Variants in LDLRAP1 observed in about 807,000 individuals in gnomAD.
LDLRAP1 encodes the protein low density lipoprotein receptor adapter protein 1.
LDLRAP1 carries 30 observed loss-of-function variants against 37.8 expected under a neutral mutation model. The ratio of observed to expected loss-of-function variants is 0.79; its 90% CI spans 0.59 to 1.08. LDLRAP1 has a LOEUF of 1.08. Ranked by LOEUF, LDLRAP1 falls within the 50% of genes least tolerant of loss-of-function variation. The probability of loss-of-function intolerance (pLI) is 0.00; values close to 1 mark genes in which losing one functional copy is unlikely to be tolerated. For synonymous variants in LDLRAP1, 156 were observed against 169.8 expected, an observed-to-expected ratio of 0.92 and a Z score of 0.63; for missense variants, 375 against 401.6, an observed-to-expected ratio of 0.93 and a Z score of 0.57.
the LDLRAP1 span, among the ~76,000 whole-genome samples, chr1:25,589,304 A>AAGAAAGAAAGAAAGAAAG: frequency 5.4e-5 from 8 of 149,046 alleles, no homozygotes; most frequent in African/African-American, 1.5e-4. Context: ...ACTCCATCTC[A>AAGAAAGAAAGAAAGAAAG]AAAGAAAGAA....
Position 25,554,750 on chromosome 1 carries a change from T to G in LDLRAP1, c.232-110T>G. 2.4e-6 allele frequency: 2 copies of G among 821,786 alleles called. No homozygotes were observed. The highest frequency in any genetic ancestry group is 4.1e-6 in the Non-Finnish European group (2 of 489,272). 50.9% of individuals were successfully genotyped at this position (821,786 alleles called of 1,614,324 possible). A position where few individuals can be genotyped will look rare whatever the true frequency, so the allele number is the denominator to read the frequency against. On this transcript the variant is annotated intron_variant, in intron 2 of 8. Transcript: ENST00000374338. The surrounding 1 kb of genome is among the most constrained non-coding windows in gnomAD (Gnocchi z 5.4). ...CTTGCCCACACTGCTGCCAGTCACC[T>G]GAGCTGAGATGGGCCCCGTGCCTGG...
intron 7 of LDLRAP1, chr1:25,564,150 A>T (rs891853327): frequency 2.8e-6 from 1 of 357,912 alleles, no homozygotes; most frequent in Non-Finnish European, 5.4e-6. Flanking sequence ...GAGGACCCAG[A>T]GACTTGGGCA....
Position 25,543,608 on chromosome 1 carries a change from A to C in LDLRAP1, c.-91A>C, listed in dbSNP as rs1398072405. 6 of 906,866 alleles carry C rather than the reference A, an allele frequency of 6.6e-6. No individual in the cohort carries two copies. The highest frequency in any genetic ancestry group is 4.6e-5 in the Admixed American group (1 of 21,810). The allele number at this position is 906,866 out of a possible 1,614,324, so 56.2% of individuals were successfully genotyped here. A position where few individuals can be genotyped will look rare whatever the true frequency, so the allele number is the denominator to read the frequency against. On this transcript the variant is annotated 5_prime_UTR_variant, in exon 1 of 9. Transcript: ENST00000374338. ...GCGGAGCTGGCGCTGGGAGGGGAGG[A>C]GCGCGCAGCCCGCGCGCCGCAGGGC...
chr1:25,574,806 G>C, the LDLRAP1 span, among the ~76,000 whole-genome samples: 1 of 152,198 alleles, frequency 6.6e-6, no homozygotes, highest in African/African-American at 2.4e-5. Flanking sequence ...CATGAGTCAA[G>C]GGTGAGAGGC....
chr1:25,559,093 C>G (rs974441509), intron 4 of LDLRAP1, among the ~76,000 whole-genome samples: 1 of 152,196 alleles, frequency 6.6e-6, no homozygotes. Context: ...TGGCCACTTG[C>G]CTCGTGAGGT....
chr1:25,549,107 T>G (rs2044008343), intron 1 of LDLRAP1, among the ~76,000 whole-genome samples: 1 of 152,284 alleles, frequency 6.6e-6, no homozygotes, highest in Non-Finnish European at 1.5e-5. Flanking sequence ...TATTTTCTTT[T>G]GATAACAATC....
chr1:25,553,152 G>A (rs957342041), intron 1 of LDLRAP1, among the ~76,000 whole-genome samples: 2 of 152,124 alleles, frequency 1.3e-5, no homozygotes, highest in African/African-American at 4.8e-5. Flanking sequence ...TGCAGGCTGG[G>A]GCCATGGGAA....
At chr1:25,586,494 G>A in the LDLRAP1 span, among the ~76,000 whole-genome samples, 1 of 151,318 alleles carries the variant, frequency 6.6e-6, no homozygotes, top group Admixed American at 6.8e-5. The surrounding 1 kb of genome is among the most constrained non-coding windows in gnomAD (Gnocchi z 4.3). Flanking sequence ...GTGTGCGTGT[G>A]TGTGTGTGCA....
the LDLRAP1 span, among the ~76,000 whole-genome samples, chr1:25,574,662 T>C: frequency 5.6e-4 from 86 of 152,286 alleles, no homozygotes; most frequent in African/African-American, 1.9e-3. Context: ...TCTTGGTCCC[T>C]GCCAGCCGAG....
chr1:25,547,758 C>G (rs1157454001), intron 1 of LDLRAP1, among the ~76,000 whole-genome samples: 1 of 152,122 alleles, frequency 6.6e-6, no homozygotes, highest in African/African-American at 2.4e-5. Flanking sequence ...AAATGGTGTG[C>G]AGGGAGGATA....
At position 25,555,737 on chromosome 1, in the gene LDLRAP1, G is replaced by A. The variant is rs1389936867; in HGVS notation, c.344+765G>A. Among the ~76,000 whole-genome samples the A allele has an allele frequency of 6.6e-6, 1 of 152,132 alleles. No individual in the cohort carries two copies. Among genetic ancestry groups the A allele is most frequent in the East Asian group, 1.9e-4 (1 of 5,176 alleles). On this transcript the variant is annotated intron_variant, in intron 3 of 8. Transcript: ENST00000374338. This position sits in a 1 kb window ranked among gnomAD's most constrained non-coding sequence, Gnocchi z 4.7. The stretch of plus-strand genomic sequence containing the variant: ...AGGGTCAGTAGATGTGTGTTGTGGG[G>A]GTCTGGCTGATGTCTTCCTCTCACC...
chr1:25,566,674 G>A (rs1449806926), intron 8 of LDLRAP1, among the ~76,000 whole-genome samples, 174 bp from the exon 9 acceptor site: 1 of 152,162 alleles, frequency 6.6e-6, no homozygotes, highest in East Asian at 1.9e-4. Flanking sequence ...TTTCTGAGCT[G>A]TTTGACTCTC....
chr1:25,584,294 G>A, the LDLRAP1 span, among the ~76,000 whole-genome samples: 1 of 152,046 alleles, frequency 6.6e-6, no homozygotes, highest in Admixed American at 6.6e-5. Context: ...CTGTTGCTGG[G>A]GCCCCTTGTG....
At chr1:25,557,121 A>G (rs2044219701) in intron 3 of LDLRAP1, 32 bp from the exon 4 acceptor site, 2 of 1,542,330 alleles carry the variant, frequency 1.3e-6, no homozygotes, top group African/African-American at 2.7e-5. Context: ...CCCCTGTGCC[A>G]GGTCTGGTGA....
At chr1:25,551,337 C>A (rs1026035339) in intron 1 of LDLRAP1, among the ~76,000 whole-genome samples, 3 of 152,152 alleles carry the variant, frequency 2.0e-5, no homozygotes, top group Non-Finnish European at 4.4e-5. Context: ...AAAACCTGAT[C>A]TTTTGCTAGA....
chr1:25,556,691 T>C lies in LDLRAP1; in HGVS notation c.345-462T>C, dbSNP rs540943778. On this transcript the variant is annotated intron_variant, in intron 3 of 8. Transcript: ENST00000374338. Reference sequence around the variant, plus strand: ...GCCTTAAGAGGCAGCATGGCAGTCATGGCCTCTGGAGTCCTACAAGTGAGT... The same window carrying C: ...GCCTTAAGAGGCAGCATGGCAGTCACGGCCTCTGGAGTCCTACAAGTGAGT... Among the ~76,000 whole-genome samples, 153 of 152,340 alleles carry C rather than the reference T, an allele frequency of 1.0e-3. 2 individuals carry two copies. The highest frequency in any genetic ancestry group is 4.4e-5 in the Non-Finnish European group (3 of 68,036).
At position 25,565,314 on chromosome 1, in the gene LDLRAP1, G is replaced by A. The variant is rs948424225; in HGVS notation, c.782+107G>A. 7 of 1,257,264 alleles carry A rather than the reference G, an allele frequency of 5.6e-6. No homozygotes were observed. The African/African-American group carries it at 1.0e-4, about 19-fold the overall frequency. 77.9% of individuals were successfully genotyped at this position (1,257,264 alleles called of 1,614,324 possible). Reference sequence around the variant, plus strand: ...CCTGATTAAGAACACAAGCCACTCAGACCCCCTCCAGAGCAACAGTCCCAT... The same window carrying A: ...CCTGATTAAGAACACAAGCCACTCAAACCCCCTCCAGAGCAACAGTCCCAT... On this transcript the variant is annotated intron_variant, in intron 8 of 8. Transcript: ENST00000374338.
At chr1:25,588,096 A>C in the LDLRAP1 span, among the ~76,000 whole-genome samples, 1 of 152,186 alleles carries the variant, frequency 6.6e-6, no homozygotes, top group Non-Finnish European at 1.5e-5. Flanking sequence ...GCTCCTTAAG[A>C]GTCATCACCA....
chr1:25,562,654 T>C lies in LDLRAP1; in HGVS notation c.470T>C (p.Val157Ala). 2 of 1,614,194 alleles carry C rather than the reference T, an allele frequency of 1.2e-6. No individual in the cohort carries two copies. The highest frequency in any genetic ancestry group is 1.7e-6 in the Non-Finnish European group (2 of 1,180,012). ...ACTTCCTGTTTTCAGGCACAGGCTG[T>C]TACCCTCACCGTAGCCCAGGCCTTC... Reference protein sequence around the residue: ...LCTKRKMAQAVTLTVAQAFKV... With the variant: ...LCTKRKMAQAATLTVAQAFKV... The change falls in exon 5 of 9, where the codon GTT (valine) becomes GCT (alanine). Residue 157 changes from valine to alanine, a missense_variant. By Grantham distance (64) the Val-to-Ala change is moderately conservative (BLOSUM62 0). Transcript: ENST00000374338.
Sources: allele counts gnomAD v4.1 joint callset (sites outside exome capture counted in the v4.1 genomes callset), GRCh38; gene constraint gnomAD v4.1.1; non-coding constraint Gnocchi (gnomAD v3.1); transcripts MANE v1.5; gene names NCBI Gene and HGNC (gene_info 2026-07-23, HGNC 2026-07-21).